Variants in VPS13C observed in about 807,000 individuals in gnomAD.
VPS13C encodes vacuolar protein sorting 13 homolog C.
Under a neutral mutation model 456.8 loss-of-function variants are expected in VPS13C, and 358 were observed. The observed-to-expected ratio is 0.78, with a 90% CI of 0.72 to 0.86. The LOEUF is 0.86. Ranked by LOEUF, VPS13C falls within the 40% of genes least tolerant of loss-of-function variation. VPS13C has a pLI of 0.00. For missense variants in VPS13C, 4,818 were observed against 4,385.4 expected, an observed-to-expected ratio of 1.10 and a Z score of -2.79; for synonymous variants, 1,578 against 1,486.7, an observed-to-expected ratio of 1.06 and a Z score of -1.41.
chr15:61,971,721 C>T lies in VPS13C; in HGVS notation c.2757+904G>A, dbSNP rs76733516. Among the ~76,000 whole-genome samples the T allele has an allele frequency of 1.8e-4, 28 of 152,242 alleles. No homozygotes were observed. In the East Asian group the frequency reaches 5.0e-3, roughly 27 times the overall value. Reference sequence around the variant, plus strand: ...GAAAGGAAGAGCAATCATCTGAATGCATTTTGAATTTAGGGTCATGGGATT... The same window carrying T: ...GAAAGGAAGAGCAATCATCTGAATGTATTTTGAATTTAGGGTCATGGGATT... On this transcript the variant is annotated intron_variant, in intron 27 of 84. Transcript: ENST00000644861.
At chr15:61,992,467 C>T (rs2046252221) in intron 16 of VPS13C, among the ~76,000 whole-genome samples, 1 of 152,080 alleles carries the variant, frequency 6.6e-6, no homozygotes, top group Non-Finnish European at 1.5e-5. Context: ...AATAATTTTT[C>T]CACTTAAAGT....
intron 66 of VPS13C, among the ~76,000 whole-genome samples, chr15:61,892,393 C>G (rs1240846396): frequency 6.6e-6 from 1 of 152,076 alleles, no homozygotes; most frequent in Non-Finnish European, 1.5e-5. Context: ...ACAGTACTGC[C>G]AAATGTTTCA....
chr15:61,864,952 T>C (rs8034185), intron 81 of VPS13C: 490,066 of 977,564 alleles, frequency 0.5, 124,767 homozygotes, highest in Non-Finnish European at 0.52. Flanking sequence ...ATCTTGTATG[T>C]ATTTTCGTTA....
In VPS13C at chr15:61,911,934, A is replaced by AGG; in HGVS notation, c.8620_8621insCC (p.Ile2874ThrfsTer8). On this transcript the variant is annotated frameshift_variant, in exon 63 of 85. Coordinates refer to ENST00000644861, the MANE Select transcript of VPS13C (RefSeq NM_020821.3). LOFTEE classifies it high-confidence loss of function. Reference sequence around the variant, plus strand: ...TAGTTCTAATGATGACTTGTTTGCAATGGTACAAAAGGGAGTCAGGGTAAC... The same window carrying AGG: ...TAGTTCTAATGATGACTTGTTTGCAAGGTGGTACAAAAGGGAGTCAGGGTAAC... The AGG allele has an allele frequency of 6.2e-7, 1 of 1,612,938 alleles. No individual in the cohort carries two copies. The highest frequency in any genetic ancestry group is 8.5e-7 in the Non-Finnish European group (1 of 1,179,468).
chr15:61,903,270 AG>A (rs1390652965), intron 66 of VPS13C, among the ~76,000 whole-genome samples: 1 of 152,002 alleles, frequency 6.6e-6, no homozygotes, highest in Non-Finnish European at 1.5e-5. Flanking sequence ...TGGGAGGTTG[AG>A]GCTGGAGTGA....
At chr15:61,923,861 CTT>C (rs1188960583) in intron 53 of VPS13C, among the ~76,000 whole-genome samples, 317 of 75,094 alleles carry the variant, frequency 4.2e-3, no homozygotes, top group African/African-American at 0.017. Context: ...CCCTCTAAAT[CTT>C]TTTTTTTTTT....
chr15:62,041,033 T>C (rs1385286128), intron 3 of VPS13C, among the ~76,000 whole-genome samples: 1 of 152,068 alleles, frequency 6.6e-6, no homozygotes, highest in Non-Finnish European at 1.5e-5. Flanking sequence ...CACATAAAAC[T>C]TGGAAATCTA....
At chr15:61,888,529 A>G (rs1319907812) in intron 67 of VPS13C, among the ~76,000 whole-genome samples, 1 of 152,182 alleles carries the variant, frequency 6.6e-6, no homozygotes, top group Non-Finnish European at 1.5e-5. Flanking sequence ...ATACAAAGAA[A>G]TGAGCTGTCA....
At chr15:61,879,613 G>T (rs138529471) in intron 73 of VPS13C, 1 of 151,942 alleles carries the variant, frequency 6.6e-6, no homozygotes. Context: ...CTAAGAACAC[G>T]AATAGGTAAA....
intron 15 of VPS13C, among the ~76,000 whole-genome samples, chr15:62,003,578 G>A (rs2046717048): frequency 6.6e-6 from 1 of 152,054 alleles, no homozygotes; most frequent in Non-Finnish European, 1.5e-5. Context: ...TGGTGAGAGA[G>A]GGCATCCCTG....
chr15:61,901,932 A>C (rs1351588033), intron 66 of VPS13C, among the ~76,000 whole-genome samples: 13 of 152,144 alleles, frequency 8.5e-5, no homozygotes, highest in Admixed American at 8.5e-4. Flanking sequence ...CTATGCAGCC[A>C]TAAAAAATGA....
chr15:61,859,257 G>A (rs1894094353), intron 82 of VPS13C, among the ~76,000 whole-genome samples: 1 of 152,036 alleles, frequency 6.6e-6, no homozygotes, highest in South Asian at 2.1e-4. Context: ...AAGTATGCAA[G>A]AGGCCAAGGT....
At chr15:61,931,579 C>CTT (rs375639929) in intron 49 of VPS13C, among the ~76,000 whole-genome samples, 21 of 137,966 alleles carry the variant, frequency 1.5e-4, no homozygotes, top group Admixed American at 2.2e-4. Context: ...TAAATTTTTT[C>CTT]TTTTTTTTTT....
intron 82 of VPS13C, 83 bp downstream of exon 82, chr15:61,863,357 C>T (rs1894328417): frequency 9.8e-7 from 1 of 1,016,828 alleles, no homozygotes; most frequent in Admixed American, 2.4e-5. Context: ...AATTTTCCAA[C>T]TCTTCTGCCA....
Position 61,967,394 on chromosome 15 carries a change from C to G in VPS13C, c.2965G>C (p.Asp989His), listed in dbSNP as rs770768530. Reference sequence around the variant, plus strand: ...TTAATATACTCCACTTTCAAAAGATCTAATCCAGGTTTGTCAGAAGAGCTA... The same window carrying G: ...TTAATATACTCCACTTTCAAAAGATGTAATCCAGGTTTGTCAGAAGAGCTA... The part of the protein sequence containing the change: ...LISSSDKPGL[D>H]LLKVEYIKAD... The change falls in exon 29 of 85, where the codon GAT becomes CAT. Residue 989 changes from aspartate (D) to histidine (H), a missense_variant. By Grantham distance (81) the Asp-to-His change is moderately conservative. This residue lies in a region of VPS13C where 4,552 missense variants were observed against 4,130.6 expected (regional missense o/e 1.10). Transcript: ENST00000644861. 1.2e-6 allele frequency: 2 copies of G among 1,606,854 alleles called. No homozygotes were observed. Among genetic ancestry groups the G allele is most frequent in the Non-Finnish European group, 1.7e-6 (2 of 1,176,586 alleles).
In VPS13C at chr15:61,935,429, AT is replaced by A. The variant is rs1471515288; in HGVS notation, c.5756-1099del. ...GAAAATTCTATTTTTCTGAGAAATA[AT>A]TTATATTCTAATTTTCATCATCTTT... On this transcript the variant is annotated intron_variant, in intron 48 of 84. Coordinates refer to ENST00000644861, the MANE Select transcript of VPS13C (RefSeq NM_020821.3). The A allele has an allele frequency of 3.3e-5, 5 of 152,326 alleles. No homozygotes were observed. The East Asian group carries it at 9.6e-4, about 29-fold the overall frequency. 9.4% of individuals were successfully genotyped at this position (152,326 alleles called of 1,614,324 possible). A position where few individuals can be genotyped will look rare whatever the true frequency, so the allele number is the denominator to read the frequency against.
intron 3 of VPS13C, among the ~76,000 whole-genome samples, chr15:62,037,262 T>TAATATAATATATAATATATTTATATA (rs2048050955): frequency 3.9e-5 from 1 of 25,968 alleles, no homozygotes; most frequent in African/African-American, 1.5e-4. Flanking sequence ...TTTATATATA[T>TAATATAATATATAATATATTTATATA]TATATTATAT....
chr15:61,900,304 G>T (rs2042957191), intron 66 of VPS13C, among the ~76,000 whole-genome samples: 1 of 152,134 alleles, frequency 6.6e-6, no homozygotes, highest in South Asian at 2.1e-4. Context: ...ATTCAATTAG[G>T]AAAAGAGGAA....
At chr15:61,926,642 A>G (rs2043859369) in intron 52 of VPS13C, among the ~76,000 whole-genome samples, 1 of 152,242 alleles carries the variant, frequency 6.6e-6, no homozygotes, top group South Asian at 2.1e-4. Flanking sequence ...TTAACTGACT[A>G]AAATCATATG....
Sources: allele counts gnomAD v4.1 joint callset (sites outside exome capture counted in the v4.1 genomes callset), GRCh38; gene constraint gnomAD v4.1.1; regional missense constraint gnomAD v4.1.1; transcripts MANE v1.5; gene names NCBI Gene and HGNC (gene_info 2026-07-23, HGNC 2026-07-21).